TNPO2: variants seen among roughly 807,000 people sequenced by gnomAD.
TNPO2 encodes the protein transportin-2.
In TNPO2, 16 loss-of-function variants were observed where a neutral mutation model predicts 111.1. That is an observed-to-expected ratio of 0.14 (90% confidence interval 0.10 to 0.22). TNPO2 has a LOEUF of 0.22. Ranked by LOEUF, TNPO2 falls within the 10% of genes least tolerant of loss-of-function variation. TNPO2 has a pLI of 1.00. For synonymous variants in TNPO2, 481 were observed against 475.8 expected, an observed-to-expected ratio of 1.01 and a Z score of -0.14; for missense variants, 530 against 1,173.7, an observed-to-expected ratio of 0.45 and a Z score of 8.01.
chr19:12,704,024 C>T (rs1386212862), intron 18 of TNPO2, among the ~76,000 whole-genome samples: 1 of 152,090 alleles, frequency 6.6e-6, no homozygotes, highest in Non-Finnish European at 1.5e-5. Context: ...TTTCCAGGTC[C>T]CTGCAGATAT....
intron 5 of TNPO2, among the ~76,000 whole-genome samples, chr19:12,716,771 G>T (rs978348469): frequency 6.6e-6 from 1 of 152,166 alleles, no homozygotes; most frequent in African/African-American, 2.4e-5. Context: ...TCGTTGAGGT[G>T]ACATCTTGAT....
In TNPO2 at chr19:12,719,274, T is replaced by C. The variant is rs767119199; in HGVS notation, c.162A>G (p.Arg54=). Residue 54 remains arginine, a synonymous_variant, in exon 4 of 26, where the codon AGA becomes AGG. Coordinates refer to ENST00000425528, the MANE Select transcript of TNPO2 (RefSeq NM_001382241.1). The surrounding 1 kb of genome is among the most constrained non-coding windows in gnomAD (Gnocchi z 5.0). ...FNNYLIFVLT[R]LKSEDEPTRS... is the part of the protein sequence containing the mutation. ...CAGAGGGCGTACCTTCTGACTTGAGTCTGGTCAGGACGAAAATCAGGTAGT... is the reference window on the plus strand; with the variant it reads ...CAGAGGGCGTACCTTCTGACTTGAGCCTGGTCAGGACGAAAATCAGGTAGT... The C allele has an allele frequency of 2.5e-6, 4 of 1,613,902 alleles. No homozygotes were observed. The highest frequency in any genetic ancestry group is 3.4e-6 in the Non-Finnish European group (4 of 1,179,864).
Position 12,711,095 on chromosome 19 carries a change from T to C in TNPO2, c.1117+201A>G, listed in dbSNP as rs558233948. 1.5e-5 allele frequency: 10 copies of C among 667,370 alleles called. 1 individual carries two copies. The highest frequency in any genetic ancestry group is 4.2e-4 in the Middle Eastern group (1 of 2,374). 41.3% of individuals were successfully genotyped at this position (667,370 alleles called of 1,614,324 possible). A position where few individuals can be genotyped will look rare whatever the true frequency, so the allele number is the denominator to read the frequency against. ...ATTTTTAGTAGAGACGGGGTTTCAC[T>C]GTGTTAGCCAGGATGGTGTTGATCT... On this transcript the variant is annotated intron_variant, in intron 12 of 25. Transcript: ENST00000425528.
intron 5 of TNPO2, among the ~76,000 whole-genome samples, chr19:12,718,544 T>C (rs1486492151): frequency 6.6e-6 from 1 of 152,154 alleles, no homozygotes; most frequent in Non-Finnish European, 1.5e-5. Flanking sequence ...CCTCTGGTGA[T>C]TTGCCTACCC....
At chr19:12,720,844 C>T in intron 3 of TNPO2, 35 bp downstream of exon 3, 1 of 1,556,616 alleles carries the variant, frequency 6.4e-7, no homozygotes. Flanking sequence ...ACGCATCTAC[C>T]CGGCTCCCCC....
At position 12,702,283 on chromosome 19, in the gene TNPO2, G is replaced by A. The variant is rs2025362456; in HGVS notation, c.2306-106C>T. The A allele has an allele frequency of 1.2e-5, 12 of 983,720 alleles. No individual in the cohort carries two copies. The highest frequency in any genetic ancestry group is 1.9e-5 in the Non-Finnish European group (12 of 644,236). 60.9% of individuals were successfully genotyped at this position (983,720 alleles called of 1,614,324 possible). ...GGGAATGGCTACTGCAGCCACCCTG[G>A]TCCCCCAAGCTTGGCCCAGCCAGGG... On this transcript the variant is annotated intron_variant, in intron 21 of 25. Coordinates refer to ENST00000425528, the MANE Select transcript of TNPO2 (RefSeq NM_001382241.1). The surrounding 1 kb of genome is among the most constrained non-coding windows in gnomAD (Gnocchi z 5.5).
chr19:12,717,492 G>A lies in TNPO2; in HGVS notation c.325+1537C>T, dbSNP rs140487584. Among the ~76,000 whole-genome samples, 1,513 of 151,380 alleles carry A rather than the reference G, an allele frequency of 1.0e-2. 20 individuals are homozygous for A. The highest frequency in any genetic ancestry group is 0.035 in the African/African-American group (1,430 of 41,236). On this transcript the variant is annotated intron_variant, in intron 5 of 25. Transcript: ENST00000425528. ...TCACCATGTTGGCCAGGCTGGTCTC[G>A]AACTCCTGACCTCAGGTGATCCACC...
At position 12,700,566 on chromosome 19, in the gene TNPO2, G is replaced by A. The variant is rs1016374707; in HGVS notation, c.*698C>T. On this transcript the variant is annotated 3_prime_UTR_variant, in exon 26 of 26. Coordinates refer to ENST00000425528, the MANE Select transcript of TNPO2 (RefSeq NM_001382241.1). ...AAAGCTGGCAGGGAGTGTGTGGAGT[G>A]GGTCCCAAGCATGTGCGTGCTGACA... 1.3e-5 allele frequency: 2 copies of A among 152,244 alleles called. No homozygotes were observed. The highest frequency in any genetic ancestry group is 3.9e-4 in the East Asian group (2 of 5,190). The allele number at this position is 152,244 out of a possible 1,614,324, so 9.4% of individuals were successfully genotyped here.
chr19:12,706,577 C>A lies in TNPO2; in HGVS notation c.1489G>T (p.Ala497Ser). 6.2e-7 allele frequency: 1 copy of A among 1,614,026 alleles called. No individual in the cohort carries two copies. Among genetic ancestry groups the A allele is most frequent in the South Asian group, 1.1e-5 (1 of 91,086 alleles). Residue 497 changes from alanine (A) to serine (S), a missense_variant, in exon 14 of 26, where the codon GCC becomes TCC. Around this residue, in one of 4 missense-constraint regions of TNPO2, gnomAD observed 183 missense variants for 481.0 expected, o/e 0.38. Coordinates refer to ENST00000425528, the MANE Select transcript of TNPO2 (RefSeq NM_001382241.1). The surrounding 1 kb of genome is among the most constrained non-coding windows in gnomAD (Gnocchi z 7.0). ...LDGNKRVQEAACSAFATLEEE... is the reference protein window; with the variant it reads ...LDGNKRVQEASCSAFATLEEE... Reference sequence around the variant, plus strand: ...TCAGGGGTCCAGGGTCACCTGCAGGCCGCCTCCTGTACCCTCTTGTTGCCA... The same window carrying A: ...TCAGGGGTCCAGGGTCACCTGCAGGACGCCTCCTGTACCCTCTTGTTGCCA...
Position 12,701,861 on chromosome 19 carries a change from G to A in TNPO2, c.2412-10C>T. On this transcript the variant is annotated splice_polypyrimidine_tract_variant and intron_variant, in intron 22 of 25. Transcript: ENST00000425528. This position sits in a 1 kb window ranked among gnomAD's most constrained non-coding sequence, Gnocchi z 5.0. Reference sequence around the variant, plus strand: ...CCTGAGGGACGTGCACCTGTGGGAAGGTGAGCAGCTGGAGGTCAGAGGGCA... The same window carrying A: ...CCTGAGGGACGTGCACCTGTGGGAAAGTGAGCAGCTGGAGGTCAGAGGGCA... 1 of 1,610,568 alleles carries A rather than the reference G, an allele frequency of 6.2e-7. No homozygotes were observed. The highest frequency in any genetic ancestry group is 8.5e-7 in the Non-Finnish European group (1 of 1,177,970).
rs2025265315 is a variant in TNPO2, at chr19:12,701,091, A to AGTGGACGG, written c.*165_*172dup. On this transcript the variant is annotated 3_prime_UTR_variant, in exon 26 of 26. Transcript: ENST00000425528. This position sits in a 1 kb window ranked among gnomAD's most constrained non-coding sequence, Gnocchi z 5.0. ...GCCCCACCCACCTGCCAGGAGGGCA[A>AGTGGACGG]GTGGACGGATGGACGGACGGACGGA... The AGTGGACGG allele has an allele frequency of 2.4e-6, 1 of 424,132 alleles. No individual in the cohort carries two copies. Among genetic ancestry groups the AGTGGACGG allele is most frequent in the Admixed American group, 4.0e-5 (1 of 25,076 alleles). The allele number at this position is 424,132 out of a possible 1,614,324, so 26.3% of individuals were successfully genotyped here. A position where few individuals can be genotyped will look rare whatever the true frequency, so the allele number is the denominator to read the frequency against.
Position 12,699,582 on chromosome 19 carries a change from C to T in TNPO2, c.*1682G>A, listed in dbSNP as rs1171914498. The T allele has an allele frequency of 1.1e-4, 17 of 152,476 alleles. No homozygotes were observed. The highest frequency in any genetic ancestry group is 1.1e-3 in the Admixed American group (16 of 15,210). The allele number at this position is 152,476 out of a possible 1,614,324, so 9.4% of individuals were successfully genotyped here. ...AATCCCATCAGACAGCCAATCCATC[C>T]ACACACCCCAAGACCCAGCAGAGGA... On this transcript the variant is annotated 3_prime_UTR_variant, in exon 26 of 26. Transcript: ENST00000425528.
In TNPO2 at chr19:12,721,313, C is replaced by G. The variant is rs185415043; in HGVS notation, c.-13-323G>C. On this transcript the variant is annotated intron_variant, in intron 2 of 25. Transcript: ENST00000425528. The surrounding 1 kb of genome is among the most constrained non-coding windows in gnomAD (Gnocchi z 4.9). ...CCATGCCGCTGACCCCGGCTCCGAG[C>G]CCGAAGGCTTCCACCTCCCTCGCAG... 3,944 of 1,287,852 alleles carry G rather than the reference C, an allele frequency of 3.1e-3. 18 individuals are homozygous for G. The highest frequency in any genetic ancestry group is 3.4e-3 in the Non-Finnish European group (3,347 of 998,680). 79.8% of individuals were successfully genotyped at this position (1,287,852 alleles called of 1,614,324 possible).
At position 12,723,362 on chromosome 19, in the gene TNPO2, T is replaced by A. The variant is rs1400703828; in HGVS notation, c.-127A>T. On this transcript the variant is annotated 5_prime_UTR_variant, in exon 2 of 26. It adds an upstream start codon to the 5' untranslated region. Transcript: ENST00000425528. ...GAAGACAGTAGGGCACCGTTTTTCC[T>A]TCTCTTGAGAGAGGAGCAGATGGTA... 1 of 152,174 alleles carries A rather than the reference T, an allele frequency of 6.6e-6. No individual in the cohort carries two copies. The highest frequency in any genetic ancestry group is 1.9e-4 in the East Asian group (1 of 5,194). 9.4% of individuals were successfully genotyped at this position (152,174 alleles called of 1,614,324 possible).
At chr19:12,713,519 A>ATAAG (rs1416853295) in intron 10 of TNPO2, among the ~76,000 whole-genome samples, 3 of 121,798 alleles carry the variant, frequency 2.5e-5, no homozygotes, top group Admixed American at 1.5e-4. Flanking sequence ...AAATAAATAA[A>ATAAG]CATACAATAT....
At chr19:12,713,201 G>A (rs60499412) in intron 10 of TNPO2, among the ~76,000 whole-genome samples, 20,703 of 152,112 alleles carry the variant, frequency 0.14, 4,231 homozygotes, top group African/African-American at 0.44. Context: ...AGATAGGGCA[G>A]AGACTAGCCA....
chr19:12,715,098 A>G lies in TNPO2; in HGVS notation c.720T>C (p.Leu240=). The change falls in exon 9 of 26, where the codon CTT becomes CTC. Residue 240 remains leucine (L), a synonymous_variant. Coordinates refer to ENST00000425528, the MANE Select transcript of TNPO2 (RefSeq NM_001382241.1). This position sits in a 1 kb window ranked among gnomAD's most constrained non-coding sequence, Gnocchi z 7.1. ...TGAGCCTGTCAATCCGCACTTCCAG[A>G]AGCATCACCAGGGCACGGCACACAT... ...RKNVCRALVM[L]LEVRIDRLIP... The G allele has an allele frequency of 6.3e-7, 1 of 1,583,674 alleles. No homozygotes were observed. The highest frequency in any genetic ancestry group is 8.6e-7 in the Non-Finnish European group (1 of 1,162,808).
chr19:12,715,304 A>T lies in TNPO2; in HGVS notation c.587T>A (p.Val196Glu). ...PKIRSHAIAC[V>E]NQFIMDRAQA... ...GGCCCGGTCCATGATGAACTGGTTC[A>T]CGCAGGCGATGGCGTGGGACCTGGC... Residue 196 changes from valine (V) to glutamate (E), a missense_variant, in exon 8 of 26, where the codon GTG becomes GAG. By Grantham distance (121) the Val-to-Glu change is moderately radical. Coordinates refer to ENST00000425528, the MANE Select transcript of TNPO2 (RefSeq NM_001382241.1). The surrounding 1 kb of genome is among the most constrained non-coding windows in gnomAD (Gnocchi z 7.1). 6.2e-7 allele frequency: 1 copy of T among 1,613,680 alleles called. No homozygotes were observed. The highest frequency in any genetic ancestry group is 8.5e-7 in the Non-Finnish European group (1 of 1,179,792).
rs372378917 is a variant in TNPO2 at position 12,706,752 on chromosome 19, C to T, written c.1314G>A (p.Pro438=). 1.2e-5 allele frequency: 19 copies of T among 1,612,664 alleles called. No homozygotes were observed. In the African/African-American group the frequency reaches 1.7e-4, roughly 15 times the overall value. The change falls in exon 14 of 26, where the codon CCG becomes CCA. Residue 438 remains proline, a synonymous_variant. Coordinates refer to ENST00000425528, the MANE Select transcript of TNPO2 (RefSeq NM_001382241.1). This position sits in a 1 kb window ranked among gnomAD's most constrained non-coding sequence, Gnocchi z 7.0. ...GMVPYLPELI[P]HLIQCLSDKK... is the part of the protein sequence containing the mutation. ...TATCCGACAGGCACTGGATCAGGTG[C>T]GGGATCAGCTCAGGCAGGTAGGGCA...
Sources: gnomAD v4.1 joint callset for allele counts (sites outside exome capture counted in the v4.1 genomes callset) on GRCh38, gnomAD v4.1.1 for gene constraint, gnomAD v4.1.1 regional missense constraint, Gnocchi (gnomAD v3.1) non-coding constraint, MANE v1.5 for transcripts, NCBI Gene and HGNC (gene_info 2026-07-23, HGNC 2026-07-21) for gene names.